Variants in TMEM87A observed in about 807,000 individuals in gnomAD.
TMEM87A encodes transmembrane protein 87A, also known as Golgi-pH regulating cation channel.
TMEM87A carries 50 observed loss-of-function variants against 90.0 expected under a neutral mutation model. The observed-to-expected ratio is 0.56, with a 90% CI of 0.44 to 0.70. TMEM87A has a LOEUF of 0.70. TMEM87A is among the 30% of genes least tolerant of loss of function. The pLI, the probability that TMEM87A is intolerant of heterozygous loss-of-function variation, is 0.00. For synonymous variants in TMEM87A, 226 were observed against 226.7 expected (o/e 1.00, Z 0.03); for missense variants, 577 against 660.5 (o/e 0.87, Z 1.39).
intron 8 of TMEM87A, 110 bp downstream of exon 8, chr15:42,239,560 C>G: frequency 1.1e-6 from 1 of 927,326 alleles, no homozygotes; most frequent in Non-Finnish European, 1.7e-6. Context: ...GCAACATTTT[C>G]TGAATTGCAC....
chr15:42,211,547 C>T lies in TMEM87A; in HGVS notation c.*161G>A, dbSNP rs2050286748. The T allele has an allele frequency of 1.5e-6, 1 of 661,824 alleles. No individual in the cohort carries two copies. The highest frequency in any genetic ancestry group is 2.6e-6 in the Non-Finnish European group (1 of 389,850). 41.0% of individuals were successfully genotyped at this position (661,824 alleles called of 1,614,324 possible). On this transcript the variant is annotated 3_prime_UTR_variant, in exon 20 of 20. Transcript: ENST00000389834. ...GAACTTGTTTTCAGTAAGATGTTCT[C>T]TTTGTTCTGACACCTCTCGCCAACT...
intron 19 of TMEM87A, among the ~76,000 whole-genome samples, chr15:42,214,663 C>G (rs2050351283): frequency 6.6e-6 from 1 of 152,120 alleles, no homozygotes; most frequent in African/African-American, 2.4e-5. Flanking sequence ...TCACTATACA[C>G]AAAAATCAAC....
Position 42,219,743 on chromosome 15 carries a change from C to T in TMEM87A, c.1478-101G>A. The T allele has an allele frequency of 1.8e-5, 14 of 773,402 alleles. No homozygotes were observed. In the South Asian group the frequency reaches 2.1e-4, roughly 12 times the overall value. The allele number at this position is 773,402 out of a possible 1,614,324, so 47.9% of individuals were successfully genotyped here. A position where few individuals can be genotyped will look rare whatever the true frequency, so the allele number is the denominator to read the frequency against. ...TTTTCTTTTTTTAAATTAAAAGCCC[C>T]AAAGTTACTTATCATAGTTTTATTT... On this transcript the variant is annotated intron_variant, in intron 16 of 19. Coordinates refer to ENST00000389834, the MANE Select transcript of TMEM87A (RefSeq NM_015497.5).
At chr15:42,268,184 T>G (rs375953338) in intron 2 of TMEM87A, 152 bp from the exon 3 acceptor site, 7 of 536,758 alleles carry the variant, frequency 1.3e-5, no homozygotes, top group African/African-American at 1.2e-4. Flanking sequence ...AAATAATACA[T>G]GCAAAAAGAG....
intron 18 of TMEM87A, 117 bp from the exon 19 acceptor site, chr15:42,217,950 A>C: frequency 1.0e-6 from 1 of 971,584 alleles, no homozygotes; most frequent in Non-Finnish European, 1.5e-6. Flanking sequence ...TTTGCATTTT[A>C]TTAATGGCCC....
chr15:42,273,255 C>T lies in TMEM87A; in HGVS notation c.144G>A (p.Ser48=). The T allele has an allele frequency of 6.2e-7, 1 of 1,614,060 alleles. No homozygotes were observed. ...AGACGTTAGTGAAGTGAATACTCACCGACGGTATCGGAATGTGCCATTTGG... is the reference window on the plus strand; with the variant it reads ...AGACGTTAGTGAAGTGAATACTCACTGACGGTATCGGAATGTGCCATTTGG... ...DRSKWHIPIP[S]GKNYFSFGKI... is the part of the protein sequence containing the mutation. The change falls in exon 1 of 20, where the codon TCG becomes TCA. Residue 48 remains serine (S), a splice_region_variant and synonymous_variant. Coordinates refer to ENST00000389834, the MANE Select transcript of TMEM87A (RefSeq NM_015497.5).
chr15:42,239,790 T>G, intron 7 of TMEM87A, 59 bp from the exon 8 acceptor site: 1 of 1,407,334 alleles, frequency 7.1e-7, no homozygotes, highest in Admixed American at 1.7e-5. Flanking sequence ...ACAAAAATAT[T>G]GCCTAATATT....
intron 19 of TMEM87A, among the ~76,000 whole-genome samples, chr15:42,212,437 T>C (rs1179114963): frequency 6.6e-6 from 1 of 152,174 alleles, no homozygotes; most frequent in African/African-American, 2.4e-5. Flanking sequence ...TATAGATGTT[T>C]CCCTTTTTCT....
chr15:42,233,562 A>G (rs2050722287), intron 10 of TMEM87A, among the ~76,000 whole-genome samples: 1 of 152,154 alleles, frequency 6.6e-6, no homozygotes, highest in South Asian at 2.1e-4. Context: ...CATATTCACA[A>G]GTAGTATAAT....
intron 7 of TMEM87A, among the ~76,000 whole-genome samples, chr15:42,242,620 C>G (rs1229283893): frequency 6.6e-6 from 1 of 151,858 alleles, no homozygotes. Context: ...GTGTCAAAAC[C>G]AAGTAGTGGT....
At chr15:42,225,675 G>A (rs989856494) in intron 15 of TMEM87A, among the ~76,000 whole-genome samples, 1 of 152,092 alleles carries the variant, frequency 6.6e-6, no homozygotes, top group Non-Finnish European at 1.5e-5. Flanking sequence ...GGGATTAGAG[G>A]TGTGCACTGC....
At chr15:42,268,117 T>G (rs1385216985) in intron 2 of TMEM87A, 85 bp from the exon 3 acceptor site, 2 of 1,046,942 alleles carry the variant, frequency 1.9e-6, no homozygotes, top group African/African-American at 3.2e-5. Context: ...TCCTATTCAT[T>G]TCGTACCCTA....
intron 12 of TMEM87A, 26 bp from the exon 13 acceptor site, chr15:42,228,846 A>G: frequency 6.6e-7 from 1 of 1,515,132 alleles, no homozygotes; most frequent in Non-Finnish European, 8.9e-7. Context: ...GGAATTCAAC[A>G]TTCAGGAAAA....
At chr15:42,232,127 T>C (rs1273483587) in intron 11 of TMEM87A, among the ~76,000 whole-genome samples, 1 of 152,212 alleles carries the variant, frequency 6.6e-6, no homozygotes, top group Non-Finnish European at 1.5e-5. Flanking sequence ...TTGAATCTAA[T>C]AGGTTGCTGT....
rs1595717726 is a variant in TMEM87A at position 42,231,332 on chromosome 15, T to C, written c.1063-72A>G. On this transcript the variant is annotated intron_variant, in intron 11 of 19. Transcript: ENST00000389834. ...GCACAGAGAAGAAACCACCACATGA[T>C]TCTGCATTTACATAATCACTGGAAA... 3.1e-6 allele frequency: 4 copies of C among 1,281,218 alleles called. No homozygotes were observed. In the African/African-American group the frequency reaches 6.2e-5, roughly 20 times the overall value. The allele number at this position is 1,281,218 out of a possible 1,614,324, so 79.4% of individuals were successfully genotyped here. A position where few individuals can be genotyped will look rare whatever the true frequency, so the allele number is the denominator to read the frequency against.
intron 15 of TMEM87A, among the ~76,000 whole-genome samples, chr15:42,226,293 C>T (rs1676844285): frequency 6.6e-6 from 1 of 152,026 alleles, no homozygotes; most frequent in South Asian, 2.1e-4. Flanking sequence ...AGCCACCACG[C>T]CCAGCCCCTG....
chr15:42,226,928 G>A lies in TMEM87A; in HGVS notation c.1300-19C>T, dbSNP rs1041515699. 6.2e-7 allele frequency: 1 copy of A among 1,607,270 alleles called. No homozygotes were observed. Among genetic ancestry groups the A allele is most frequent in the Non-Finnish European group, 8.5e-7 (1 of 1,174,034 alleles). On this transcript the variant is annotated intron_variant, in intron 14 of 19. Coordinates refer to ENST00000389834, the MANE Select transcript of TMEM87A (RefSeq NM_015497.5). ...GCCAGTCCTACAATACAGGGGAGAA[G>A]TACAACATTTATACACATTATCTTA...
At chr15:42,264,721 T>TA (rs2051367614) in intron 3 of TMEM87A, among the ~76,000 whole-genome samples, 1 of 149,476 alleles carries the variant, frequency 6.7e-6, no homozygotes, top group Admixed American at 6.7e-5. Flanking sequence ...ACTTTTATTT[T>TA]AGGTTCCGGT....
chr15:42,224,001 CTCATTAAATATT>C (rs1321054180), intron 15 of TMEM87A, among the ~76,000 whole-genome samples: 3 of 152,200 alleles, frequency 2.0e-5, no homozygotes, highest in Non-Finnish European at 4.4e-5. Context: ...TCCAAGCCCA[CTCATTAAATATT>C]TCTTGAGCAT....
Sources: gnomAD v4.1 joint callset for allele counts (sites outside exome capture counted in the v4.1 genomes callset) on GRCh38, gnomAD v4.1.1 for gene constraint, MANE v1.5 for transcripts, NCBI Gene and HGNC (gene_info 2026-07-23, HGNC 2026-07-21) for gene names.